Variants in FER observed in about 807,000 individuals in gnomAD.
FER encodes tyrosine-protein kinase Fer.
A neutral mutation model predicts 111.0 loss-of-function variants in FER; 63 were observed. The observed-to-expected ratio is 0.57, with a 90% confidence interval of 0.46 to 0.70. FER has a LOEUF of 0.70. Ranked by LOEUF, FER falls within the 30% of genes least tolerant of loss-of-function variation. The pLI, the probability that FER is intolerant of heterozygous loss-of-function variation, is 0.00. For missense variants in FER, 914 were observed against 954.0 expected (o/e 0.96, Z 0.55); for synonymous variants, 327 against 313.9 (o/e 1.04, Z -0.44).
chr5:108,812,650 C>A (rs1757883295), intron 3 of FER, among the ~76,000 whole-genome samples: 1 of 152,090 alleles, frequency 6.6e-6, no homozygotes, highest in Non-Finnish European at 1.5e-5. Flanking sequence ...ATATTCCTTT[C>A]TCCTGTTTCT....
chr5:109,169,990 A>T (rs1235489966), intron 17 of FER, among the ~76,000 whole-genome samples: 1 of 152,196 alleles, frequency 6.6e-6, no homozygotes, highest in Non-Finnish European at 1.5e-5. Flanking sequence ...GTATTTATTC[A>T]TTAGTAGCTG....
In FER at chr5:109,169,603, C is replaced by A. The variant is rs1319017097; in HGVS notation, c.2049-11144C>A. 1.2e-4 allele frequency among the ~76,000 whole-genome samples: 19 copies of A among 152,176 alleles called. 1 individual carries two copies. The highest frequency in any genetic ancestry group is 1.2e-3 in the Admixed American group (19 of 15,268). Reference sequence around the variant, plus strand: ...GAGATACATAAAAAAGTCATTACTTCTTTTGAATTCCTATAAATACTGAAA... The same window carrying A: ...GAGATACATAAAAAAGTCATTACTTATTTTGAATTCCTATAAATACTGAAA... On this transcript the variant is annotated intron_variant, in intron 17 of 19. Transcript: ENST00000281092.
chr5:108,815,273 T>C (rs1376641404), intron 3 of FER, among the ~76,000 whole-genome samples: 2 of 152,074 alleles, frequency 1.3e-5, no homozygotes, highest in African/African-American at 4.8e-5. Flanking sequence ...GTACCTGTTA[T>C]ATTATATATT....
intron 16 of FER, among the ~76,000 whole-genome samples, chr5:109,078,864 G>A (rs888748045): frequency 2.0e-5 from 3 of 152,126 alleles, no homozygotes; most frequent in African/African-American, 7.2e-5. Flanking sequence ...CATAAGAGAG[G>A]ATCACTAGTA....
At chr5:109,023,480 C>T (rs1197908805) in intron 13 of FER, among the ~76,000 whole-genome samples, 2 of 152,026 alleles carry the variant, frequency 1.3e-5, no homozygotes, top group Non-Finnish European at 2.9e-5. Context: ...GTTTTGTGAA[C>T]ATACCACATG....
rs149235920 is a variant in FER, at chr5:108,761,229, A to G, written c.-205-6864A>G. Among the ~76,000 whole-genome samples the G allele has an allele frequency of 8.1e-3, 1,229 of 152,204 alleles. 12 individuals carry two copies. The highest frequency in any genetic ancestry group is 0.027 in the African/African-American group (1,122 of 41,522). Reference sequence around the variant, plus strand: ...AGGTGTGAGCCACTGCACCTGGCCTATTTTGGCTTTCAACATGCCTTCCTC... The same window carrying G: ...AGGTGTGAGCCACTGCACCTGGCCTGTTTTGGCTTTCAACATGCCTTCCTC... On this transcript the variant is annotated intron_variant, in intron 1 of 19. Coordinates refer to ENST00000281092, the MANE Select transcript of FER (RefSeq NM_005246.4).
intron 3 of FER, among the ~76,000 whole-genome samples, chr5:108,812,221 T>A (rs1026939108): frequency 6.6e-6 from 1 of 152,228 alleles, no homozygotes; most frequent in Non-Finnish European, 1.5e-5. Context: ...GCATAAATGT[T>A]TAGAAATGTT....
At chr5:109,058,317 G>A (rs1798716472) in intron 16 of FER, among the ~76,000 whole-genome samples, 1 of 152,002 alleles carries the variant, frequency 6.6e-6, no homozygotes, top group Admixed American at 6.6e-5. Context: ...AGATATGCTG[G>A]CACTCACAAC....
At chr5:109,011,674 A>G (rs905188588) in intron 13 of FER, among the ~76,000 whole-genome samples, 2 of 152,070 alleles carry the variant, frequency 1.3e-5, no homozygotes, top group Non-Finnish European at 2.9e-5. Flanking sequence ...TTTTTTGAAT[A>G]TAAGTTTGCC....
rs1477951806 is a variant in FER at position 108,872,191 on chromosome 5, CA to C, written c.903del (p.Ala302GlnfsTer6). 2 of 1,608,234 alleles carry C rather than the reference CA, an allele frequency of 1.2e-6. No individual in the cohort carries two copies. The highest frequency in any genetic ancestry group is 1.3e-5 in the African/African-American group (1 of 74,724). On this transcript the variant is annotated frameshift_variant, in exon 8 of 20. Coordinates refer to ENST00000281092, the MANE Select transcript of FER (RefSeq NM_005246.4). LOFTEE classifies it high-confidence loss of function. ...AATGAGATCATGTGGAATAACTTAA[CA>C]GCAGAAAGTTTGCAAGTAATGTAAG... ...QANEIMWNNL[T>X]AESLQVMLKT... is the part of the protein sequence containing the mutation.
At chr5:109,094,767 T>G (rs1747275414) in intron 16 of FER, among the ~76,000 whole-genome samples, 1 of 152,186 alleles carries the variant, frequency 6.6e-6, no homozygotes, top group Non-Finnish European at 1.5e-5. Context: ...TTGCAGACAC[T>G]TAGCCTTAGA....
At chr5:108,935,438 G>C (rs1308142823) in intron 10 of FER, among the ~76,000 whole-genome samples, 3 of 152,030 alleles carry the variant, frequency 2.0e-5, no homozygotes, top group Non-Finnish European at 4.4e-5. Flanking sequence ...GGATAATCCT[G>C]TTTGATCTCA....
At chr5:108,884,708 A>G (rs148533306) in intron 9 of FER, among the ~76,000 whole-genome samples, 2 of 151,918 alleles carry the variant, frequency 1.3e-5, no homozygotes, top group East Asian at 3.9e-4. Context: ...TTAAATCTCC[A>G]TATTTTTTCC....
intron 16 of FER, among the ~76,000 whole-genome samples, chr5:109,059,629 G>T (rs982646023): frequency 6.6e-5 from 10 of 152,090 alleles, no homozygotes; most frequent in Non-Finnish European, 1.2e-4. Flanking sequence ...AATGACAAAC[G>T]TACAGAGTTA....
chr5:109,100,202 A>G (rs1748060395), intron 16 of FER, among the ~76,000 whole-genome samples, 194 bp from the exon 17 acceptor site: 1 of 151,758 alleles, frequency 6.6e-6, no homozygotes, highest in Non-Finnish European at 1.5e-5. Flanking sequence ...AGAAGAGATT[A>G]TGGTGTCTGT....
intron 2 of FER, among the ~76,000 whole-genome samples, chr5:108,793,295 C>T (rs368005617): frequency 2.0e-4 from 31 of 152,200 alleles, no homozygotes; most frequent in African/African-American, 6.3e-4. Context: ...CTTAACATAA[C>T]GACCACCAGT....
At chr5:108,962,874 C>T (rs1156479513) in intron 13 of FER, among the ~76,000 whole-genome samples, 1 of 152,064 alleles carries the variant, frequency 6.6e-6, no homozygotes, top group Non-Finnish European at 1.5e-5. Flanking sequence ...GAGTTTGAGC[C>T]CACATTCTTA....
intron 5 of FER, among the ~76,000 whole-genome samples, chr5:108,862,075 A>T (rs1763577204): frequency 1.3e-5 from 2 of 152,204 alleles, no homozygotes; most frequent in African/African-American, 4.8e-5. Context: ...AAAATCTGTC[A>T]AAACATAACC....
chr5:109,121,069 G>A (rs1376534399), intron 17 of FER, among the ~76,000 whole-genome samples: 3 of 151,890 alleles, frequency 2.0e-5, no homozygotes, highest in African/African-American at 7.2e-5. Flanking sequence ...TTCTTTTCCA[G>A]TTTGGATGCT....
Sources: gnomAD v4.1 joint callset for allele counts (sites outside exome capture counted in the v4.1 genomes callset) on GRCh38, gnomAD v4.1.1 for gene constraint, MANE v1.5 for transcripts, NCBI Gene and HGNC (gene_info 2026-07-23, HGNC 2026-07-21) for gene names.